Variants in USP36 observed in about 807,000 individuals in gnomAD.
USP36 encodes ubiquitin specific peptidase 36.
USP36 carries 59 observed loss-of-function variants against 111.5 expected under a neutral mutation model. That is an observed-to-expected ratio of 0.53 (90% confidence interval 0.43 to 0.66). The LOEUF (loss-of-function observed/expected upper bound fraction) is 0.66. Ranked by LOEUF, USP36 falls within the 30% of genes least tolerant of loss-of-function variation. The pLI is 0.00. For missense variants in USP36, 1,488 were observed against 1,468.0 expected, an observed-to-expected ratio of 1.01 and a Z score of -0.22; for synonymous variants, 628 against 581.0, an observed-to-expected ratio of 1.08 and a Z score of -1.16.
chr17:78,839,038 A>G (rs190235110), intron 1 of USP36, among the ~76,000 whole-genome samples: 19 of 152,338 alleles, frequency 1.2e-4, no homozygotes, highest in Non-Finnish European at 2.5e-4. Flanking sequence ...ATTTCCAAAG[A>G]GTAAGAGGTA....
intron 13 of USP36, 111 bp downstream of exon 13, chr17:78,812,749 A>G (rs921938077): frequency 1.3e-5 from 14 of 1,076,402 alleles, no homozygotes; most frequent in Non-Finnish European, 1.6e-5. Flanking sequence ...CAACTAGAAT[A>G]GTGCAAACTG....
rs10527657 is a variant in USP36, at chr17:78,834,997, G to GTATATATATATATATATATATATA, written c.475+282_475+283insTATATATATATATATATATATATA. Among the ~76,000 whole-genome samples the GTATATATATATATATATATATATA allele has an allele frequency of 1.4e-3, 200 of 141,358 alleles. 2 individuals are homozygous for GTATATATATATATATATATATATA. The highest frequency in any genetic ancestry group is 4.8e-3 in the African/African-American group (172 of 35,784). 92.7% of individuals were successfully genotyped at this position (141,358 alleles called of 152,430 possible). On this transcript the variant is annotated intron_variant, in intron 4 of 20. Transcript: ENST00000449938. ...TACTGTCTCTAAAAAAATAATATTT[G>GTATATATATATATATATATATATA]TATATATATATATATATATATTTTG...
intron 17 of USP36, among the ~76,000 whole-genome samples, chr17:78,801,671 G>C (rs1391574625): frequency 6.6e-6 from 1 of 152,200 alleles, no homozygotes; most frequent in East Asian, 1.9e-4. Flanking sequence ...AGCAAACCGT[G>C]CTATGTTCTG....
At position 78,812,718 on chromosome 17, in the gene USP36, A is replaced by AG. The variant is rs1567935473; in HGVS notation, c.1407+141dup. 406 of 738,924 alleles carry AG rather than the reference A, an allele frequency of 5.5e-4. 2 individuals carry two copies. Among genetic ancestry groups the AG allele is most frequent in the Middle Eastern group, 8.8e-4 (2 of 2,284 alleles). The allele number at this position is 738,924 out of a possible 1,614,324, so 45.8% of individuals were successfully genotyped here. ...TCTCGAAAAAAAAAAAAAAAAAAAA[A>AG]GAAAAGAAAAGAAATAACATCAACT... On this transcript the variant is annotated intron_variant, in intron 13 of 20. Coordinates refer to ENST00000449938, the MANE Select transcript of USP36 (RefSeq NM_001385174.1).
At position 78,803,513 on chromosome 17, in the gene USP36, T is replaced by C. The variant is rs2093809238; in HGVS notation, c.2682A>G (p.Pro894=). 1 of 1,613,962 alleles carries C rather than the reference T, an allele frequency of 6.2e-7. No individual in the cohort carries two copies. The highest frequency in any genetic ancestry group is 8.5e-7 in the Non-Finnish European group (1 of 1,180,032). The part of the protein sequence containing the change: ...AVRRQEDGTQ[P]QVNGQQVGCV... ...ATCCCACCTGCTGGCCATTCACCTG[T>C]GGCTGTGTGCCATCTTCCTGCCGTC... is the stretch of plus-strand genomic sequence containing the variant. Residue 894 remains proline (P), a synonymous_variant, in exon 16 of 21, where the codon CCA becomes CCG. Coordinates refer to ENST00000449938, the MANE Select transcript of USP36 (RefSeq NM_001385174.1). This position sits in a 1 kb window ranked among gnomAD's most constrained non-coding sequence, Gnocchi z 4.6.
At position 78,814,485 on chromosome 17, in the gene USP36, A is replaced by G. The variant is rs142162440; in HGVS notation, c.1091T>C (p.Met364Thr). ...YMSQNNGDPV[M>T]YGLYAVLVHS... ...CACCAGGACAGCATAGAGTCCATAC[A>G]TGACAGGATCACCATTATTCTGGGA... The change falls in exon 11 of 21, where the codon ATG becomes ACG. Residue 364 changes from methionine (M) to threonine (T), a missense_variant. By Grantham distance (81) the Met-to-Thr change is moderately conservative. This residue lies in a region of USP36 where 1,073 missense variants were observed against 994.1 expected (regional missense o/e 1.08). Coordinates refer to ENST00000449938, the MANE Select transcript of USP36 (RefSeq NM_001385174.1). The G allele has an allele frequency of 1.2e-5, 20 of 1,614,250 alleles. No homozygotes were observed. In the African/African-American group the frequency reaches 1.7e-4, roughly 14 times the overall value.
chr17:78,822,052 A>C, intron 6 of USP36, 48 bp from the exon 7 acceptor site: 1 of 1,608,610 alleles, frequency 6.2e-7, no homozygotes. Context: ...GCAAGATGAC[A>C]CGAGGGATGG....
chr17:78,807,737 T>A, intron 13 of USP36, 101 bp from the exon 14 acceptor site: 1 of 1,170,268 alleles, frequency 8.5e-7, no homozygotes, highest in South Asian at 1.7e-5. Flanking sequence ...AGGCATGGCC[T>A]CTGATTAGCA....
chr17:78,827,892 T>C (rs905966668), intron 5 of USP36, among the ~76,000 whole-genome samples: 4 of 151,862 alleles, frequency 2.6e-5, no homozygotes, highest in Admixed American at 6.6e-5. Flanking sequence ...GCCTGGGCAA[T>C]AGAGCAAGAC....
intron 15 of USP36, among the ~76,000 whole-genome samples, chr17:78,805,726 C>T (rs148357920): frequency 1.9e-3 from 288 of 152,348 alleles, no homozygotes; most frequent in Non-Finnish European, 2.9e-3. Context: ...ACCTGCATGA[C>T]GCTAGCAGGC....
At position 78,811,129 on chromosome 17, in the gene USP36, T is replaced by C. The variant is rs538749164; in HGVS notation, c.1407+1731A>G. On this transcript the variant is annotated intron_variant, in intron 13 of 20. Coordinates refer to ENST00000449938, the MANE Select transcript of USP36 (RefSeq NM_001385174.1). ...CTCAGTGACAGAGCGAGACTCTGTC[T>C]CAAAAAAAAAAAAAAAAAAAAAAAA... Among the ~76,000 whole-genome samples, 25 of 58,398 alleles carry C rather than the reference T, an allele frequency of 4.3e-4. 1 individual carries two copies. The East Asian group carries it at 0.014, about 32-fold the overall frequency. The allele number at this position is 58,398 out of a possible 152,430, so 38.3% of individuals were successfully genotyped here.
rs150437022 is a variant in USP36, at chr17:78,821,001, A to G, written c.818T>C (p.Leu273Pro). The change falls in exon 8 of 21, where the codon CTG (leucine) becomes CCG (proline). Residue 273 changes from leucine to proline, a missense_variant. This residue lies in a region of USP36 where 196 missense variants were observed against 264.4 expected (regional missense o/e 0.74). Coordinates refer to ENST00000449938, the MANE Select transcript of USP36 (RefSeq NM_001385174.1). ...AGGACAGATCTGTACCCGGATCTCC[A>G]GCGCGACGTCCAAGTAGGGGTCGTA... is the stretch of plus-strand genomic sequence containing the variant. ...DTYDPYLDVA[L>P]EIRQAANIVR... 6.2e-7 allele frequency: 1 copy of G among 1,608,910 alleles called. No individual in the cohort carries two copies. The highest frequency in any genetic ancestry group is 1.7e-5 in the Admixed American group (1 of 59,524).
In USP36 at chr17:78,803,279, G is replaced by T; in HGVS notation, c.2810+106C>A. The T allele has an allele frequency of 1.6e-6, 2 of 1,269,508 alleles. No individual in the cohort carries two copies. The highest frequency in any genetic ancestry group is 1.1e-6 in the Non-Finnish European group (1 of 911,560). The allele number at this position is 1,269,508 out of a possible 1,614,324, so 78.6% of individuals were successfully genotyped here. A position where few individuals can be genotyped will look rare whatever the true frequency, so the allele number is the denominator to read the frequency against. ...ACAAATCCACATTTTAGAAAACCAC[G>T]CAAGCAGACTACGTTTCCAGACCAT... On this transcript the variant is annotated intron_variant, in intron 16 of 20. Transcript: ENST00000449938. The surrounding 1 kb of genome is among the most constrained non-coding windows in gnomAD (Gnocchi z 4.6).
chr17:78,835,466 C>T lies in USP36; in HGVS notation c.289G>A (p.Val97Ile), dbSNP rs753528093. The T allele has an allele frequency of 5.0e-6, 8 of 1,610,928 alleles. No homozygotes were observed. The highest frequency in any genetic ancestry group is 1.3e-5 in the African/African-American group (1 of 74,920). ...EHTYESCGDG[V>I]PAPQKVLFPT... ...AAAAGCACTTTCTGCGGGGCTGGGA[C>T]TCCGTCACCACAGCTCTCATACGTG... The change falls in exon 4 of 21, where the codon GTC (valine) becomes ATC (isoleucine). Residue 97 changes from valine (V) to isoleucine (I), a missense_variant. Around this residue, in one of 3 missense-constraint regions of USP36, gnomAD observed 219 missense variants for 209.5 expected, o/e 1.05. Coordinates refer to ENST00000449938, the MANE Select transcript of USP36 (RefSeq NM_001385174.1).
intron 7 of USP36, 89 bp downstream of exon 7, chr17:78,821,848 G>C: frequency 1.4e-6 from 2 of 1,480,288 alleles, no homozygotes; most frequent in Admixed American, 1.7e-5. Flanking sequence ...AGCGAAGAAA[G>C]AGCCCCAGCC....
At position 78,798,867 on chromosome 17, in the gene USP36, CCCTGCTCCCTCAAG is replaced by C; in HGVS notation, c.3240+27_3240+40del. On this transcript the variant is annotated intron_variant, in intron 19 of 20. Coordinates refer to ENST00000449938, the MANE Select transcript of USP36 (RefSeq NM_001385174.1). The surrounding 1 kb of genome is among the most constrained non-coding windows in gnomAD (Gnocchi z 5.1). Reference sequence around the variant, plus strand: ...CCCGGCTCTGAGCTGAGCCACGCCGCCCTGCTCCCTCAAGCCTGTGGTCAGCATCACACATCATA... The same window carrying C: ...CCCGGCTCTGAGCTGAGCCACGCCGCCCTGTGGTCAGCATCACACATCATA... 1 of 1,609,888 alleles carries C rather than the reference CCCTGCTCCCTCAAG, an allele frequency of 6.2e-7. No individual in the cohort carries two copies. Among genetic ancestry groups the C allele is most frequent in the Non-Finnish European group, 8.5e-7 (1 of 1,176,860 alleles).
intron 15 of USP36, among the ~76,000 whole-genome samples, 175 bp downstream of exon 15, chr17:78,805,981 A>G (rs2093888555): frequency 6.6e-6 from 1 of 152,164 alleles, no homozygotes; most frequent in Non-Finnish European, 1.5e-5. Context: ...CCTTTACCAC[A>G]GGGGAACACA....
rs180840934 is a variant in USP36 at position 78,796,661 on chromosome 17, G to C, written c.*1239C>G. Reference sequence around the variant, plus strand: ...GGAAGCAAAGCTGCCCCAGGGAGAGGGGGTGCAGACAGCGAGGCAGCCACC... The same window carrying C: ...GGAAGCAAAGCTGCCCCAGGGAGAGCGGGTGCAGACAGCGAGGCAGCCACC... On this transcript the variant is annotated 3_prime_UTR_variant, in exon 21 of 21. Transcript: ENST00000449938. The C allele has an allele frequency of 6.6e-6, 1 of 152,448 alleles. No individual in the cohort carries two copies. The highest frequency in any genetic ancestry group is 1.9e-4 in the East Asian group (1 of 5,192). 9.4% of individuals were successfully genotyped at this position (152,448 alleles called of 1,614,324 possible).
intron 17 of USP36, among the ~76,000 whole-genome samples, chr17:78,800,535 C>G (rs915223954): frequency 2.0e-5 from 3 of 152,260 alleles, no homozygotes; most frequent in African/African-American, 7.2e-5. Flanking sequence ...TCATTTCTCC[C>G]TGCCTCCAAT....
Sources: allele counts gnomAD v4.1 joint callset (sites outside exome capture counted in the v4.1 genomes callset), GRCh38; gene constraint gnomAD v4.1.1; regional missense constraint gnomAD v4.1.1; non-coding constraint Gnocchi (gnomAD v3.1); transcripts MANE v1.5; gene names NCBI Gene and HGNC (gene_info 2026-07-23, HGNC 2026-07-21).